CPA6: variants seen among roughly 807,000 people sequenced by gnomAD.
CPA6 encodes the protein carboxypeptidase A6.
In CPA6, 58 loss-of-function variants were observed where a neutral mutation model predicts 63.3. The observed-to-expected ratio is 0.92, with a 90% CI of 0.74 to 1.14. CPA6 has a LOEUF of 1.14. Among genes scored for constraint, CPA6 ranks in the 50% most tolerant of loss-of-function variants. CPA6 has a pLI of 0.00. For missense variants in CPA6, 565 were observed against 526.6 expected (o/e 1.07, Z -0.71); for synonymous variants, 185 against 179.0 (o/e 1.03, Z -0.27).
intron 2 of CPA6, among the ~76,000 whole-genome samples, chr8:67,530,654 G>C (rs183258670): frequency 2.0e-5 from 3 of 152,188 alleles, no homozygotes; most frequent in African/African-American, 7.2e-5. Flanking sequence ...GAGGTGATAC[G>C]CTGGCAGTCC....
chr8:67,671,146 A>G (rs1816333716), intron 1 of CPA6, among the ~76,000 whole-genome samples: 1 of 152,254 alleles, frequency 6.6e-6, no homozygotes, highest in African/African-American at 2.4e-5. Flanking sequence ...GTTTTAAAAA[A>G]TGCTCTGTCA....
At chr8:67,713,099 G>GTGTGTGTGTA (rs1328463977) in intron 1 of CPA6, among the ~76,000 whole-genome samples, 33 of 55,032 alleles carry the variant, frequency 6.0e-4, no homozygotes, top group African/African-American at 2.1e-3. Context: ...GTGTGTGTGT[G>GTGTGTGTGTA]TATATATATA....
intron 1 of CPA6, among the ~76,000 whole-genome samples, chr8:67,733,936 G>T (rs966108424): frequency 4.0e-4 from 61 of 151,076 alleles, no homozygotes; most frequent in African/African-American, 1.3e-3. Context: ...GCGCAGTGGT[G>T]CAATCATGGC....
chr8:67,452,484 A>T (rs989155498), intron 8 of CPA6: 1 of 152,192 alleles, frequency 6.6e-6, no homozygotes, highest in Non-Finnish European at 1.5e-5. Flanking sequence ...CATGTTCTTC[A>T]GTGGTCACTC....
At position 67,688,270 on chromosome 8, in the gene CPA6, A is replaced by C. The variant is rs1459937446; in HGVS notation, c.116+57744T>G. 2.6e-5 allele frequency among the ~76,000 whole-genome samples: 4 copies of C among 152,192 alleles called. No homozygotes were observed. In the East Asian group the frequency reaches 7.7e-4, roughly 29 times the overall value. ...AGAAAGACAAAACAGATTTAAATAG[A>C]GTCTAGAGAAGTTTAACCCAAATGA... is the stretch of plus-strand genomic sequence containing the variant. On this transcript the variant is annotated intron_variant, in intron 1 of 10. Coordinates refer to ENST00000297770, the MANE Select transcript of CPA6 (RefSeq NM_020361.5).
At chr8:67,443,238 T>C (rs1810335493) in intron 8 of CPA6, among the ~76,000 whole-genome samples, 1 of 152,042 alleles carries the variant, frequency 6.6e-6, no homozygotes, top group Non-Finnish European at 1.5e-5. Context: ...TTTTGTATTT[T>C]TAGTAGAGAC....
At chr8:67,516,911 C>T (rs1418691694) in intron 3 of CPA6, among the ~76,000 whole-genome samples, 1 of 152,064 alleles carries the variant, frequency 6.6e-6, no homozygotes, top group African/African-American at 2.4e-5. Context: ...ATTCTTCTGC[C>T]TCAGCCCCCC....
intron 2 of CPA6, among the ~76,000 whole-genome samples, chr8:67,559,454 C>G (rs72657221): frequency 0.1 from 15,759 of 152,064 alleles, 907 homozygotes; most frequent in Middle Eastern, 0.2. Context: ...TGCCACACAC[C>G]CCTGCACTAT....
At chr8:67,623,751 C>T (rs797012376) in intron 2 of CPA6, among the ~76,000 whole-genome samples, 11 of 152,114 alleles carry the variant, frequency 7.2e-5, no homozygotes, top group African/African-American at 2.6e-4. Context: ...TTTTGAGTAG[C>T]CTTAAATATC....
At chr8:67,681,195 A>ATTTTATTTTTTTTTTTTTTTTTT (rs1554533441) in intron 1 of CPA6, among the ~76,000 whole-genome samples, 2 of 97,142 alleles carry the variant, frequency 2.1e-5, no homozygotes, top group Non-Finnish European at 3.8e-5. Context: ...GGTCACAAAG[A>ATTTTATTTTTTTTTTTTTTTTTT]TTTTCTTTTT....
intron 2 of CPA6, among the ~76,000 whole-genome samples, chr8:67,613,161 T>G (rs1814853509): frequency 6.6e-6 from 1 of 152,246 alleles, no homozygotes; most frequent in Non-Finnish European, 1.5e-5. Flanking sequence ...TTCCCCTACC[T>G]CATACCCTTG....
At chr8:67,478,323 T>C (rs1417263075) in intron 8 of CPA6, among the ~76,000 whole-genome samples, 1 of 152,252 alleles carries the variant, frequency 6.6e-6, no homozygotes, top group Non-Finnish European at 1.5e-5. Context: ...TGGCTGTTTA[T>C]CTGTATCCTT....
intron 1 of CPA6, among the ~76,000 whole-genome samples, chr8:67,627,177 A>G (rs1815211581): frequency 2.0e-5 from 3 of 152,184 alleles, no homozygotes; most frequent in Admixed American, 2.0e-4. Context: ...ATATTGATGG[A>G]ATGACGGGTA....
intron 8 of CPA6, among the ~76,000 whole-genome samples, chr8:67,435,612 G>C (rs775870346): frequency 1.3e-5 from 2 of 148,336 alleles, no homozygotes; most frequent in Non-Finnish European, 3.0e-5. Flanking sequence ...CTCAGTGTGT[G>C]AGTGTGTGTG....
intron 1 of CPA6, among the ~76,000 whole-genome samples, chr8:67,662,433 T>TAC (rs113018794): frequency 0.12 from 7,616 of 61,042 alleles, 437 homozygotes; most frequent in African/African-American, 0.16. Flanking sequence ...ATAGAATACA[T>TAC]ACACACGTAT....
At chr8:67,719,375 G>T (rs975162265) in intron 1 of CPA6, among the ~76,000 whole-genome samples, 3 of 152,226 alleles carry the variant, frequency 2.0e-5, no homozygotes, top group Admixed American at 6.5e-5. Context: ...TGGGCATGCT[G>T]TGGTCAGGAT....
In CPA6 at chr8:67,538,163, C is replaced by G. The variant is rs1436235338; in HGVS notation, c.193-20116G>C. On this transcript the variant is annotated intron_variant, in intron 2 of 10. Transcript: ENST00000297770. ...GTGCTGAGAAGAATGTATATTCTGT[C>G]AATTCATGGTGGAGAGTTCTGTAGA... Among the ~76,000 whole-genome samples, 5 of 152,074 alleles carry G rather than the reference C, an allele frequency of 3.3e-5. No individual in the cohort carries two copies. In the East Asian group the frequency reaches 9.6e-4, roughly 29 times the overall value.
chr8:67,607,794 T>C (rs1221865305), intron 2 of CPA6, among the ~76,000 whole-genome samples: 4 of 152,234 alleles, frequency 2.6e-5, no homozygotes, highest in African/African-American at 9.6e-5. Flanking sequence ...TACTGCCCAA[T>C]TGCTAAGCTC....
At chr8:67,485,649 C>G (rs976140853) in intron 6 of CPA6, among the ~76,000 whole-genome samples, 1 of 152,092 alleles carries the variant, frequency 6.6e-6, no homozygotes, top group African/African-American at 2.4e-5. Context: ...TTCACTGTTA[C>G]AATATTGCAA....
Sources: allele counts gnomAD v4.1 joint callset (sites outside exome capture counted in the v4.1 genomes callset), GRCh38; gene constraint gnomAD v4.1.1; transcripts MANE v1.5; gene names NCBI Gene and HGNC (gene_info 2026-07-23, HGNC 2026-07-21).